The following TMEFF2 variants were observed in gnomAD, a reference collection of about 807,000 sequenced individuals.
The protein encoded by TMEFF2 is tomoregulin-2.
Under a neutral mutation model 53.8 loss-of-function variants are expected in TMEFF2, and 28 were observed. The ratio of observed to expected loss-of-function variants is 0.52; its 90% confidence interval spans 0.39 to 0.71. The LOEUF is 0.71. TMEFF2 is among the 30% of genes least tolerant of loss of function. The probability of loss-of-function intolerance (pLI) is 0.00; values close to 1 mark genes in which losing one functional copy is unlikely to be tolerated. For synonymous variants in TMEFF2, 162 were observed against 166.3 expected (o/e 0.97, Z 0.20); for missense variants, 353 against 455.2 (o/e 0.78, Z 2.04).
chr2:192,055,886 C>T (rs564258554), intron 5 of TMEFF2, among the ~76,000 whole-genome samples: 3 of 151,932 alleles, frequency 2.0e-5, no homozygotes, highest in Non-Finnish European at 2.9e-5. Flanking sequence ...CTCTCTCACT[C>T]GGCTCCTAGC....
intron 7 of TMEFF2, among the ~76,000 whole-genome samples, chr2:191,964,333 CTTCTTTCT>C (rs368928481): frequency 0.057 from 4,038 of 71,110 alleles, 165 homozygotes; most frequent in African/African-American, 0.065. Flanking sequence ...CCTTTCTTTC[CTTCTTTCT>C]TTCTTTCTTT....
chr2:192,040,335 T>C (rs867125183), intron 5 of TMEFF2, among the ~76,000 whole-genome samples: 1 of 152,164 alleles, frequency 6.6e-6, no homozygotes, highest in Admixed American at 6.5e-5. Flanking sequence ...ACATTGTCTT[T>C]TTATTCAACT....
intron 4 of TMEFF2, among the ~76,000 whole-genome samples, chr2:192,090,193 T>TGC (rs1688759674): frequency 6.6e-6 from 1 of 152,184 alleles, no homozygotes; most frequent in South Asian, 2.1e-4. Context: ...TGGTCAAGTG[T>TGC]GCCTTGGCCT....
intron 4 of TMEFF2, among the ~76,000 whole-genome samples, chr2:192,066,121 T>G (rs1160150386): frequency 2.0e-5 from 3 of 151,744 alleles, no homozygotes. Context: ...TTTTTTTTCA[T>G]AGATTATGAT....
At chr2:192,184,890 A>G (rs1403610641) in intron 2 of TMEFF2, among the ~76,000 whole-genome samples, 2 of 152,130 alleles carry the variant, frequency 1.3e-5, no homozygotes, top group Non-Finnish European at 2.9e-5. Flanking sequence ...TATCTGTGCT[A>G]GGAGTGGAAA....
chr2:192,119,650 C>A (rs887130619), intron 4 of TMEFF2, among the ~76,000 whole-genome samples: 1 of 152,156 alleles, frequency 6.6e-6, no homozygotes, highest in Non-Finnish European at 1.5e-5. Flanking sequence ...TCACCTCAGA[C>A]AATACATCCC....
intron 5 of TMEFF2, among the ~76,000 whole-genome samples, chr2:192,004,234 C>T (rs1412994132): frequency 6.6e-6 from 1 of 152,092 alleles, no homozygotes; most frequent in East Asian, 1.9e-4. Flanking sequence ...GAGGGGGTTC[C>T]TGAAGAACTA....
rs576315302 is a variant in TMEFF2 at position 192,141,699 on chromosome 2, G to C, written c.439+37969C>G. On this transcript the variant is annotated intron_variant, in intron 4 of 9. Coordinates refer to ENST00000272771, the MANE Select transcript of TMEFF2 (RefSeq NM_016192.4). The stretch of plus-strand genomic sequence containing the variant: ...AGCTATGCCCCATCTTTAGAGGCAG[G>C]AAGGATCCACAGCACATGTTGGAGT... Among the ~76,000 whole-genome samples the C allele has an allele frequency of 2.6e-5, 4 of 152,254 alleles. No individual in the cohort carries two copies. In the South Asian group the frequency reaches 8.3e-4, roughly 32 times the overall value.
chr2:192,111,780 C>A (rs1041685433), intron 4 of TMEFF2, among the ~76,000 whole-genome samples: 16 of 152,132 alleles, frequency 1.1e-4, no homozygotes, highest in Middle Eastern at 3.2e-3. Context: ...GGCCCATGGC[C>A]CCCCTGCTAT....
At chr2:192,159,435 T>C (rs1344316908) in intron 4 of TMEFF2, among the ~76,000 whole-genome samples, 3 of 152,190 alleles carry the variant, frequency 2.0e-5, no homozygotes, top group African/African-American at 7.2e-5. Flanking sequence ...GACTCATCTT[T>C]ATGATGAAGC....
chr2:192,066,141 A>G (rs948875141), intron 4 of TMEFF2, among the ~76,000 whole-genome samples: 1 of 151,846 alleles, frequency 6.6e-6, no homozygotes, highest in East Asian at 1.9e-4. Context: ...TATATGAGCC[A>G]TATGAATAAT....
intron 4 of TMEFF2, among the ~76,000 whole-genome samples, chr2:192,172,989 T>C (rs1234862349): frequency 1.3e-5 from 2 of 151,926 alleles, no homozygotes; most frequent in African/African-American, 4.8e-5. Context: ...GCTGTTGCTG[T>C]GGTTTAAAAG....
At chr2:192,115,105 A>G (rs1689371277) in intron 4 of TMEFF2, among the ~76,000 whole-genome samples, 1 of 152,022 alleles carries the variant, frequency 6.6e-6, no homozygotes, top group Non-Finnish European at 1.5e-5. Context: ...ATATGGAGCC[A>G]CAAAAGTTTC....
chr2:192,019,117 T>G (rs1326638894), intron 5 of TMEFF2, among the ~76,000 whole-genome samples: 4 of 152,118 alleles, frequency 2.6e-5, no homozygotes, highest in Admixed American at 2.6e-4. Flanking sequence ...TATTTTTCTA[T>G]TAGACTGCCA....
At chr2:192,132,412 C>A (rs2105979089) in intron 4 of TMEFF2, among the ~76,000 whole-genome samples, 1 of 152,182 alleles carries the variant, frequency 6.6e-6, no homozygotes, top group East Asian at 1.9e-4. Context: ...CAGCCCTAGA[C>A]CCTAAAAGGT....
chr2:192,074,560 G>C (rs1390146219), intron 4 of TMEFF2, among the ~76,000 whole-genome samples: 1 of 151,766 alleles, frequency 6.6e-6, no homozygotes, highest in African/African-American at 2.4e-5. Flanking sequence ...AAATGTTCTA[G>C]GTTTGTATTT....
chr2:192,106,151 A>G (rs1689139598), intron 4 of TMEFF2, among the ~76,000 whole-genome samples: 1 of 151,814 alleles, frequency 6.6e-6, no homozygotes, highest in Non-Finnish European at 1.5e-5. Context: ...AAAAATAGAA[A>G]TTATGGAGAT....
At chr2:192,149,406 G>GA (rs944501750) in intron 4 of TMEFF2, among the ~76,000 whole-genome samples, 83 of 152,070 alleles carry the variant, frequency 5.5e-4, no homozygotes, top group African/African-American at 1.7e-3. Flanking sequence ...GGGGGAGGAA[G>GA]AAGGAATTGA....
chr2:191,971,266 A>G lies in TMEFF2; in HGVS notation c.746-14888T>C, dbSNP rs1692632089. On this transcript the variant is annotated intron_variant, in intron 7 of 9. Coordinates refer to ENST00000272771, the MANE Select transcript of TMEFF2 (RefSeq NM_016192.4). ...AACAGGTTTAACACCCTCCAGGTAT[A>G]TAATTACACTCCTTTCTAAGTACAT... Among the ~76,000 whole-genome samples, 4 of 152,350 alleles carry G rather than the reference A, an allele frequency of 2.6e-5. No individual in the cohort carries two copies. In the South Asian group the frequency reaches 8.3e-4, roughly 32 times the overall value.
Sources: allele counts gnomAD v4.1 joint callset (sites outside exome capture counted in the v4.1 genomes callset), GRCh38; gene constraint gnomAD v4.1.1; transcripts MANE v1.5; gene names NCBI Gene and HGNC (gene_info 2026-07-23, HGNC 2026-07-21).